Variants in ANO4 observed in about 807,000 individuals in gnomAD.
The protein encoded by ANO4 is anoctamin 4.
A neutral mutation model predicts 141.9 loss-of-function variants in ANO4; 69 were observed. The observed-to-expected ratio is 0.49, with a 90% CI of 0.40 to 0.59. The LOEUF is 0.59. Among genes scored for constraint, ANO4 ranks in the 20% least tolerant of loss-of-function variants. ANO4 has a pLI of 0.00. For synonymous variants in ANO4, 350 were observed against 394.3 expected (o/e 0.89, Z 1.33); for missense variants, 894 against 1,162.2 (o/e 0.77, Z 3.36).
intron 13 of ANO4, 50 bp downstream of exon 13, chr12:101,043,685 T>C (rs2047507058): frequency 1.6e-5 from 21 of 1,340,076 alleles, no homozygotes; most frequent in Middle Eastern, 1.8e-4. Flanking sequence ...ACATACACCT[T>C]CCTGAGGGAT....
intron 3 of ANO4, among the ~76,000 whole-genome samples, chr12:100,771,541 A>G (rs1318836742): frequency 6.6e-6 from 1 of 152,172 alleles, no homozygotes; most frequent in Non-Finnish European, 1.5e-5. Context: ...CAGGTTTATC[A>G]GTGCAGACAT....
intron 5 of ANO4, among the ~76,000 whole-genome samples, chr12:100,970,955 G>A (rs556394580): frequency 9.2e-5 from 14 of 152,098 alleles, no homozygotes; most frequent in Non-Finnish European, 1.8e-4. Flanking sequence ...CTGACCTCAG[G>A]TGATCTGCCT....
intron 3 of ANO4, among the ~76,000 whole-genome samples, chr12:100,778,502 C>G (rs577572383): frequency 3.2e-4 from 48 of 152,254 alleles, no homozygotes; most frequent in African/African-American, 1.2e-3. Context: ...CAGATAAAGT[C>G]CAGCAAAGAC....
intron 3 of ANO4, 54 bp from the exon 4 acceptor site, chr12:100,939,261 C>T (rs1218640375): frequency 1.1e-5 from 17 of 1,549,274 alleles, no homozygotes; most frequent in Non-Finnish European, 5.3e-6. Flanking sequence ...TTTAGCATTG[C>T]TTTCAAGATC....
chr12:100,762,684 A>G (rs1366125839), intron 3 of ANO4, among the ~76,000 whole-genome samples: 2 of 152,126 alleles, frequency 1.3e-5, no homozygotes, highest in African/African-American at 4.8e-5. Context: ...CGGAGGTCTC[A>G]GGCCCTTCCA....
chr12:100,896,031 A>T (rs2040332963), intron 1 of ANO4, among the ~76,000 whole-genome samples: 1 of 152,114 alleles, frequency 6.6e-6, no homozygotes, highest in African/African-American at 2.4e-5. Flanking sequence ...TTACAGATGG[A>T]GATAAGGAGT....
intron 7 of ANO4, among the ~76,000 whole-genome samples, chr12:100,977,762 C>T (rs2044266309): frequency 6.6e-6 from 1 of 152,198 alleles, no homozygotes; most frequent in Admixed American, 6.5e-5. Context: ...AGTAGCAAAT[C>T]TGATTATTGT....
At chr12:100,771,525 C>T (rs2033300882) in intron 3 of ANO4, among the ~76,000 whole-genome samples, 1 of 152,164 alleles carries the variant, frequency 6.6e-6, no homozygotes, top group African/African-American at 2.4e-5. Flanking sequence ...TATACTTGTC[C>T]AGGGTCAGGT....
chr12:101,056,569 A>G (rs928476158), intron 14 of ANO4, among the ~76,000 whole-genome samples: 3 of 152,056 alleles, frequency 2.0e-5, no homozygotes, highest in Non-Finnish European at 4.4e-5. Flanking sequence ...TCTAATCTAT[A>G]TGAGTTTTAT....
intron 3 of ANO4, among the ~76,000 whole-genome samples, chr12:100,760,576 T>C (rs59993288): frequency 0.056 from 8,480 of 152,260 alleles, 711 homozygotes; most frequent in African/African-American, 0.18. Context: ...GTTTTAAAAT[T>C]CTATGCATCT....
intron 1 of ANO4, among the ~76,000 whole-genome samples, chr12:100,800,171 C>G (rs901293594): frequency 6.6e-6 from 1 of 151,992 alleles, no homozygotes; most frequent in Non-Finnish European, 1.5e-5. Flanking sequence ...ATAGTTTTTC[C>G]CCTTTGCTTA....
At chr12:100,728,088 T>A (rs938099314) in intron 1 of ANO4, among the ~76,000 whole-genome samples, 6 of 68,066 alleles carry the variant, frequency 8.8e-5, no homozygotes, top group Non-Finnish European at 1.8e-4. Context: ...GACATTAAAA[T>A]TATTATTTTA....
At chr12:100,869,753 T>G (rs2038942209) in intron 1 of ANO4, among the ~76,000 whole-genome samples, 1 of 152,154 alleles carries the variant, frequency 6.6e-6, no homozygotes, top group Non-Finnish European at 1.5e-5. Flanking sequence ...AGATTTCAGT[T>G]TCTCATTTTC....
chr12:100,837,993 C>T (rs2037031742), intron 1 of ANO4, among the ~76,000 whole-genome samples: 1 of 152,040 alleles, frequency 6.6e-6, no homozygotes, highest in Non-Finnish European at 1.5e-5. Flanking sequence ...ATGAGTGAGC[C>T]TTGACTATTC....
At chr12:100,721,096 A>G (rs756062096) in intron 1 of ANO4, among the ~76,000 whole-genome samples, 23 of 152,190 alleles carry the variant, frequency 1.5e-4, no homozygotes, top group South Asian at 2.1e-4. Context: ...TGCATGTGCT[A>G]TGCTTGTATA....
chr12:100,819,161 T>C (rs187192540), intron 1 of ANO4, among the ~76,000 whole-genome samples: 1 of 151,954 alleles, frequency 6.6e-6, no homozygotes, highest in Non-Finnish European at 1.5e-5. Context: ...AATAGTAATT[T>C]TCAATGTCTT....
chr12:101,090,345 A>C (rs1233955600), intron 17 of ANO4, among the ~76,000 whole-genome samples: 1 of 152,212 alleles, frequency 6.6e-6, no homozygotes, highest in Non-Finnish European at 1.5e-5. Flanking sequence ...CTTGGAACCA[A>C]CCCAAATCTC....
At chr12:101,044,301 T>C (rs963720701) in intron 13 of ANO4, among the ~76,000 whole-genome samples, 7 of 152,200 alleles carry the variant, frequency 4.6e-5, no homozygotes, top group Non-Finnish European at 1.0e-4. Flanking sequence ...GAAGAGAATA[T>C]ATGTGAAAGT....
Position 101,095,145 on chromosome 12 carries a change from A to G in ANO4, c.1738+853A>G, listed in dbSNP as rs113308316. Among the ~76,000 whole-genome samples, 1,012 of 150,846 alleles carry G rather than the reference A, an allele frequency of 6.7e-3. 12 individuals carry two copies. The highest frequency in any genetic ancestry group is 0.024 in the African/African-American group (955 of 40,436). On this transcript the variant is annotated intron_variant, in intron 18 of 27. Coordinates refer to ENST00000392977, the MANE Select transcript of ANO4 (RefSeq NM_001286615.2). ...TTGTCCAGAGGAGAAAAAACTCACA[A>G]AAGTGTTCCTATTTTTATTCATCAT... is the stretch of plus-strand genomic sequence containing the variant.
Sources: allele counts gnomAD v4.1 joint callset (sites outside exome capture counted in the v4.1 genomes callset), GRCh38; gene constraint gnomAD v4.1.1; transcripts MANE v1.5; gene names NCBI Gene and HGNC (gene_info 2026-07-23, HGNC 2026-07-21).